Variants in CPQ observed in about 807,000 individuals in gnomAD.
CPQ encodes the protein carboxypeptidase Q, also known as Ser-Met dipeptidase.
CPQ carries 37 observed loss-of-function variants against 45.7 expected under a neutral mutation model. That is an observed-to-expected ratio of 0.81 (90% CI 0.62 to 1.07). CPQ has a LOEUF of 1.07. Ranked by LOEUF, CPQ falls within the 50% of genes least tolerant of loss-of-function variation. The pLI is 0.00. For synonymous variants in CPQ, 186 were observed against 205.8 expected (o/e 0.90, Z 0.82); for missense variants, 537 against 572.9 (o/e 0.94, Z 0.64).
intron 5 of CPQ, among the ~76,000 whole-genome samples, chr8:97,000,784 T>C (rs146854182): frequency 3.4e-4 from 52 of 152,302 alleles, no homozygotes; most frequent in Middle Eastern, 3.4e-3. Flanking sequence ...AGAATGTCAA[T>C]GGTAGTTTAA....
At chr8:96,918,143 C>G (rs1299894037) in intron 4 of CPQ, among the ~76,000 whole-genome samples, 1 of 152,024 alleles carries the variant, frequency 6.6e-6, no homozygotes, top group Non-Finnish European at 1.5e-5. Flanking sequence ...AAACTAGCAG[C>G]CCCTTTCTCT....
chr8:96,849,752 A>C (rs192035963), intron 3 of CPQ, among the ~76,000 whole-genome samples: 12 of 151,978 alleles, frequency 7.9e-5, no homozygotes, highest in Non-Finnish European at 1.2e-4. Context: ...TCACTTCTCT[A>C]TGTTTTACTG....
At chr8:97,112,051 C>A (rs1563583475) in intron 7 of CPQ, among the ~76,000 whole-genome samples, 1 of 152,158 alleles carries the variant, frequency 6.6e-6, no homozygotes, top group Non-Finnish European at 1.5e-5. Flanking sequence ...CTTATTTTCC[C>A]TTTCCAGCTT....
In CPQ at chr8:96,732,066, G is replaced by C. The variant is rs1039849450; in HGVS notation, c.-34-52798G>C. 2.0e-5 allele frequency among the ~76,000 whole-genome samples: 3 copies of C among 152,226 alleles called. No homozygotes were observed. In the East Asian group the frequency reaches 5.8e-4, roughly 29 times the overall value. The stretch of plus-strand genomic sequence containing the variant: ...AGAAGTCTGAGGCTTGAGGAATTAC[G>C]AAGTCAGATGATCTGTAATTGAATA... On this transcript the variant is annotated intron_variant, in intron 1 of 7. Coordinates refer to ENST00000220763, the MANE Select transcript of CPQ (RefSeq NM_016134.4).
intron 1 of CPQ, among the ~76,000 whole-genome samples, chr8:96,654,480 A>G (rs1815615543): frequency 6.6e-6 from 1 of 152,160 alleles, no homozygotes; most frequent in African/African-American, 2.4e-5. Context: ...TCTCTAACAT[A>G]GCACTGACAT....
intron 2 of CPQ, among the ~76,000 whole-genome samples, chr8:96,808,072 A>T (rs1232928080): frequency 6.6e-6 from 1 of 152,172 alleles, no homozygotes; most frequent in Non-Finnish European, 1.5e-5. Flanking sequence ...TCATGACTGC[A>T]TCTTAGAGTT....
At chr8:97,044,751 C>A (rs959532214) in intron 6 of CPQ, among the ~76,000 whole-genome samples, 1 of 152,206 alleles carries the variant, frequency 6.6e-6, no homozygotes, top group African/African-American at 2.4e-5. Context: ...GAGGTCCACT[C>A]CCGACCCTGT....
At chr8:97,058,473 C>T (rs1810491629) in intron 6 of CPQ, among the ~76,000 whole-genome samples, 1 of 152,080 alleles carries the variant, frequency 6.6e-6, no homozygotes. Flanking sequence ...GTTTATTTAG[C>T]ATGTCACAGT....
intron 7 of CPQ, among the ~76,000 whole-genome samples, chr8:97,108,467 GAATAT>G (rs1811442374): frequency 1.3e-5 from 2 of 152,206 alleles, no homozygotes; most frequent in African/African-American, 4.8e-5. Flanking sequence ...TGAATAAGAA[GAATAT>G]AACTCCTTTC....
chr8:97,098,108 C>T (rs985299828), intron 7 of CPQ, among the ~76,000 whole-genome samples: 14 of 152,172 alleles, frequency 9.2e-5, no homozygotes, highest in Non-Finnish European at 1.5e-5. Flanking sequence ...AAGAGGGCCT[C>T]CTAGTAGATT....
At chr8:96,713,120 TG>T (rs1207253300) in intron 1 of CPQ, among the ~76,000 whole-genome samples, 34 of 152,366 alleles carry the variant, frequency 2.2e-4, no homozygotes, top group Admixed American at 2.0e-3. Flanking sequence ...CACCTCAGCC[TG>T]CACTTCATTG....
chr8:96,707,041 T>C (rs1809539379), intron 1 of CPQ, among the ~76,000 whole-genome samples: 1 of 152,138 alleles, frequency 6.6e-6, no homozygotes, highest in Non-Finnish European at 1.5e-5. Flanking sequence ...ATCTATGACA[T>C]TTTATTTATT....
At chr8:96,762,001 G>A (rs938789368) in intron 1 of CPQ, among the ~76,000 whole-genome samples, 4 of 152,196 alleles carry the variant, frequency 2.6e-5, no homozygotes, top group Non-Finnish European at 4.4e-5. Flanking sequence ...TAACAGGGAA[G>A]GAGTATGTGT....
intron 2 of CPQ, among the ~76,000 whole-genome samples, chr8:96,825,472 G>A (rs1357304588): frequency 6.6e-6 from 1 of 151,946 alleles, no homozygotes; most frequent in Non-Finnish European, 1.5e-5. Context: ...CCTCCATTTT[G>A]TCACCTATAA....
chr8:96,809,219 A>C (rs1411608450), intron 2 of CPQ, among the ~76,000 whole-genome samples: 1 of 152,130 alleles, frequency 6.6e-6, no homozygotes, highest in African/African-American at 2.4e-5. Flanking sequence ...TATTGAACTC[A>C]GCAATTGAAT....
At chr8:96,999,554 T>C (rs771856124) in intron 5 of CPQ, among the ~76,000 whole-genome samples, 45 of 152,124 alleles carry the variant, frequency 3.0e-4, no homozygotes, top group Non-Finnish European at 6.5e-4. Context: ...TCCATGTCCC[T>C]GCAAAGAACA....
intron 4 of CPQ, among the ~76,000 whole-genome samples, chr8:96,905,304 CAT>C (rs1220981532): frequency 6.6e-6 from 1 of 152,142 alleles, no homozygotes; most frequent in Non-Finnish European, 1.5e-5. Flanking sequence ...CTTCCTCTAA[CAT>C]GTGGGGATTA....
intron 5 of CPQ, among the ~76,000 whole-genome samples, chr8:97,013,805 C>G (rs1431164686): frequency 6.6e-6 from 1 of 152,090 alleles, no homozygotes; most frequent in Non-Finnish European, 1.5e-5. Flanking sequence ...TGGTCTATCC[C>G]ATAGACCAGT....
chr8:97,080,686 A>T (rs1224570806), intron 7 of CPQ, among the ~76,000 whole-genome samples: 1 of 152,076 alleles, frequency 6.6e-6, no homozygotes, highest in African/African-American at 2.4e-5. Flanking sequence ...CCTTTATTCC[A>T]TTTTTTTATA....
Sources: gnomAD v4.1 joint callset for allele counts (sites outside exome capture counted in the v4.1 genomes callset) on GRCh38, gnomAD v4.1.1 for gene constraint, MANE v1.5 for transcripts, NCBI Gene and HGNC (gene_info 2026-07-23, HGNC 2026-07-21) for gene names.